Variants in DACH1 observed in about 807,000 individuals in gnomAD.
The protein encoded by DACH1 is dachshund family transcription factor 1, also known as dachshund homolog 1.
Under a neutral mutation model 54.2 loss-of-function variants are expected in DACH1, and 12 were observed. That is an observed-to-expected ratio of 0.22 (90% CI 0.14 to 0.36). DACH1 has a LOEUF of 0.36. Among genes scored for constraint, DACH1 ranks in the 10% least tolerant of loss-of-function variants. The pLI, the probability that DACH1 is intolerant of heterozygous loss-of-function variation, is 1.00. For synonymous variants in DACH1, 386 were observed against 366.2 expected (o/e 1.05, Z -0.62); for missense variants, 805 against 929.8 (o/e 0.87, Z 1.75).
intron 2 of DACH1, among the ~76,000 whole-genome samples, chr13:71,661,913 C>T (rs539281218): frequency 3.1e-4 from 47 of 152,080 alleles, no homozygotes; most frequent in Non-Finnish European, 4.9e-4. Context: ...TCTGTAACCT[C>T]CGTAACTATA....
intron 1 of DACH1, among the ~76,000 whole-genome samples, chr13:71,756,525 A>G (rs116155324): frequency 0.036 from 3,013 of 83,780 alleles, 95 homozygotes; most frequent in African/African-American, 0.099. Flanking sequence ...CAAAACAATG[A>G]AAAAAAAAAA....
chr13:71,706,372 T>C (rs543591528), intron 1 of DACH1, among the ~76,000 whole-genome samples: 253 of 152,176 alleles, frequency 1.7e-3, no homozygotes, highest in Non-Finnish European at 2.2e-3. Flanking sequence ...GTGAGATGTA[T>C]TTTTAATAAC....
intron 10 of DACH1, among the ~76,000 whole-genome samples, chr13:71,445,356 A>C (rs1294606741): frequency 6.6e-6 from 1 of 152,176 alleles, no homozygotes; most frequent in African/African-American, 2.4e-5. Context: ...ACTATATAAA[A>C]CACGTTTATA....
chr13:71,575,608 A>T (rs938916705), intron 3 of DACH1, among the ~76,000 whole-genome samples: 4 of 152,032 alleles, frequency 2.6e-5, no homozygotes, highest in Non-Finnish European at 5.9e-5. Context: ...TGATTAAATC[A>T]CTCTGAAAAC....
At chr13:71,499,849 T>C (rs1310544158) in intron 6 of DACH1, among the ~76,000 whole-genome samples, 1 of 152,282 alleles carries the variant, frequency 6.6e-6, no homozygotes, top group African/African-American at 2.4e-5. Flanking sequence ...AAAGAAAATC[T>C]GATGGTTCAG....
intron 3 of DACH1, among the ~76,000 whole-genome samples, chr13:71,583,993 T>C (rs540113802): frequency 6.6e-6 from 1 of 152,304 alleles, no homozygotes; most frequent in African/African-American, 2.4e-5. Context: ...TTTCCTCCAA[T>C]GTTAAAATAT....
intron 1 of DACH1, among the ~76,000 whole-genome samples, chr13:71,788,099 T>C (rs141371121): frequency 2.6e-4 from 40 of 152,244 alleles, no homozygotes; most frequent in African/African-American, 8.4e-4. Flanking sequence ...TGGGTTTTTG[T>C]AGTAACTGCT....
At chr13:71,614,256 A>C (rs372434686) in intron 3 of DACH1, among the ~76,000 whole-genome samples, 1 of 152,180 alleles carries the variant, frequency 6.6e-6, no homozygotes, top group East Asian at 1.9e-4. Flanking sequence ...AACGAGGAGA[A>C]TTCCATTGGT....
At chr13:71,799,742 A>G (rs1887212916) in intron 1 of DACH1, among the ~76,000 whole-genome samples, 1 of 152,104 alleles carries the variant, frequency 6.6e-6, no homozygotes, top group Non-Finnish European at 1.5e-5. Context: ...GAATCTACAA[A>G]TGCATGCTTA....
At chr13:71,824,161 T>C (rs756438710) in intron 1 of DACH1, among the ~76,000 whole-genome samples, 22 of 151,914 alleles carry the variant, frequency 1.4e-4, no homozygotes, top group Non-Finnish European at 2.9e-4. Flanking sequence ...CTGTCTACAA[T>C]GAGCCAAGAT....
At chr13:71,614,938 T>TA (rs1233386770) in intron 3 of DACH1, among the ~76,000 whole-genome samples, 28 of 151,180 alleles carry the variant, frequency 1.9e-4, no homozygotes, top group South Asian at 4.2e-4. Context: ...GTTTTTTTTT[T>TA]AAAAAAAGAT....
chr13:71,584,599 G>A (rs1873094437), intron 3 of DACH1, among the ~76,000 whole-genome samples: 1 of 151,952 alleles, frequency 6.6e-6, no homozygotes, highest in African/African-American at 2.4e-5. Flanking sequence ...TTTGAACTGT[G>A]TCAAATCTCT....
intron 1 of DACH1, among the ~76,000 whole-genome samples, chr13:71,856,599 A>G (rs1874019275): frequency 1.3e-5 from 2 of 152,094 alleles, no homozygotes; most frequent in South Asian, 4.1e-4. Context: ...AATACTGTGT[A>G]CAAGGTTTTA....
At chr13:71,473,075 CAG>C (rs1270349959) in intron 10 of DACH1, among the ~76,000 whole-genome samples, 2 of 152,100 alleles carry the variant, frequency 1.3e-5, no homozygotes, top group Non-Finnish European at 2.9e-5. Flanking sequence ...CAGCTAGAAA[CAG>C]ATTCATTGAC....
At chr13:71,619,418 C>T (rs904580366) in intron 3 of DACH1, among the ~76,000 whole-genome samples, 2 of 151,872 alleles carry the variant, frequency 1.3e-5, no homozygotes, top group East Asian at 1.9e-4. Context: ...AGTACATCAT[C>T]ATGCAATCAC....
At chr13:71,531,512 T>C (rs1427572526) in intron 6 of DACH1, among the ~76,000 whole-genome samples, 1 of 152,044 alleles carries the variant, frequency 6.6e-6, no homozygotes, top group Non-Finnish European at 1.5e-5. Flanking sequence ...TAATCTCATA[T>C]GAGATGCACA....
intron 1 of DACH1, among the ~76,000 whole-genome samples, chr13:71,843,621 A>G (rs1369713950): frequency 1.3e-5 from 2 of 152,172 alleles, no homozygotes; most frequent in Non-Finnish European, 2.9e-5. Flanking sequence ...GGATTTTGAA[A>G]AATGATAGTA....
chr13:71,496,345 G>A (rs1161776380), intron 6 of DACH1, among the ~76,000 whole-genome samples: 3 of 139,204 alleles, frequency 2.2e-5, no homozygotes, highest in Non-Finnish European at 3.1e-5. Context: ...TATATATTGT[G>A]TATGTGTATA....
intron 3 of DACH1, among the ~76,000 whole-genome samples, chr13:71,629,250 ACATGAG>A (rs1315952233): frequency 6.6e-6 from 1 of 152,050 alleles, no homozygotes; most frequent in Admixed American, 6.6e-5. Flanking sequence ...AGCATTACAA[ACATGAG>A]CACAGATATT....
Sources: gnomAD v4.1 joint callset for allele counts (sites outside exome capture counted in the v4.1 genomes callset) on GRCh38, gnomAD v4.1.1 for gene constraint, MANE v1.5 for transcripts, NCBI Gene and HGNC (gene_info 2026-07-23, HGNC 2026-07-21) for gene names.